RBM14: variants seen among roughly 807,000 people sequenced by gnomAD.
RBM14 encodes the protein RNA-binding protein 14.
In RBM14, 5 loss-of-function variants were observed where a neutral mutation model predicts 52.8. The ratio of observed to expected loss-of-function variants is 0.09; its 90% CI spans 0.05 to 0.20. The LOEUF (loss-of-function observed/expected upper bound fraction) is 0.20, where lower values mean the gene tolerates loss of function less well. Among genes scored for constraint, RBM14 ranks in the 10% least tolerant of loss-of-function variants. The pLI is 1.00. For missense variants in RBM14, 780 were observed against 926.6 expected, an observed-to-expected ratio of 0.84 and a Z score of 2.05; for synonymous variants, 411 against 401.8, an observed-to-expected ratio of 1.02 and a Z score of -0.28.
chr11:66,622,823 A>G (rs572299962), intron 1 of RBM14, among the ~76,000 whole-genome samples: 1 of 152,294 alleles, frequency 6.6e-6, no homozygotes, highest in African/African-American at 2.4e-5. Flanking sequence ...TCATCTGGGT[A>G]GCTCTTTGTT....
At chr11:66,623,009 C>T (rs377284326) in intron 1 of RBM14, among the ~76,000 whole-genome samples, 1 of 152,152 alleles carries the variant, frequency 6.6e-6, no homozygotes, top group Non-Finnish European at 1.5e-5. Context: ...TTCCTTCATT[C>T]CCTGAAGTTT....
chr11:66,625,424 C>T lies in RBM14; in HGVS notation c.1548C>T (p.Tyr516=). The T allele has an allele frequency of 6.2e-7, 1 of 1,613,716 alleles. No homozygotes were observed. The highest frequency in any genetic ancestry group is 8.5e-7 in the Non-Finnish European group (1 of 1,179,960). The change falls in exon 2 of 3, where the codon TAC becomes TAT. Residue 516 remains tyrosine (Y), a synonymous_variant. Coordinates refer to ENST00000310137, the MANE Select transcript of RBM14 (RefSeq NM_006328.4). The surrounding 1 kb of genome is among the most constrained non-coding windows in gnomAD (Gnocchi z 4.2). Reference sequence around the variant, plus strand: ...CTTCTGCCACCCTGGCAGCTCCTTACCGCACTCAGTCATCAGCCTCATTGG... The same window carrying T: ...CTTCTGCCACCCTGGCAGCTCCTTATCGCACTCAGTCATCAGCCTCATTGG... ...AQPSATLAAP[Y]RTQSSASLAA... is the part of the protein sequence containing the mutation.
At position 66,625,635 on chromosome 11, in the gene RBM14, A is replaced by T; in HGVS notation, c.1759A>T (p.Ser587Cys). 1 of 1,612,828 alleles carries T rather than the reference A, an allele frequency of 6.2e-7. No individual in the cohort carries two copies. Among genetic ancestry groups the T allele is most frequent in the African/African-American group, 1.3e-5 (1 of 75,048 alleles). The stretch of plus-strand genomic sequence containing the variant: ...TACCCGCCTCTCCCCACCCCGGGCC[A>T]GCTACGACGATCCCTACAAAAAGGC... Reference protein sequence around the residue: ...ERTRLSPPRASYDDPYKKAVA... With the variant: ...ERTRLSPPRACYDDPYKKAVA... Residue 587 changes from serine (S) to cysteine (C), a missense_variant, in exon 2 of 3, where the codon AGC becomes TGC. By Grantham distance (112) the Ser-to-Cys change is moderately radical (BLOSUM62 -1). Around this residue, in one of 4 missense-constraint regions of RBM14, gnomAD observed 675 missense variants for 697.3 expected, o/e 0.97. Coordinates refer to ENST00000310137, the MANE Select transcript of RBM14 (RefSeq NM_006328.4). The surrounding 1 kb of genome is among the most constrained non-coding windows in gnomAD (Gnocchi z 4.2).
rs759560354 is a variant in RBM14 at position 66,616,705 on chromosome 11, T to C, written c.-16T>C. The C allele has an allele frequency of 1.9e-6, 3 of 1,581,846 alleles. No homozygotes were observed. Among genetic ancestry groups the C allele is most frequent in the Non-Finnish European group, 2.6e-6 (3 of 1,158,334 alleles). The stretch of plus-strand genomic sequence containing the variant: ...GAGAGGTCCGGGCTCTCCAGGAAGG[T>C]GGCTGCGGCGACAAAATGAAGATAT... On this transcript the variant is annotated 5_prime_UTR_variant, in exon 1 of 3. Transcript: ENST00000310137.
In RBM14 at chr11:66,628,504, T is replaced by C. The variant is rs1384615767; in HGVS notation, c.*1836T>C. On this transcript the variant is annotated 3_prime_UTR_variant, in exon 3 of 3. Transcript: ENST00000310137. ...TCGATCTTATGACCGTGAGTTCTTATTTGTGGATGCTAACTGGGGTAATCT... is the reference window on the plus strand; with the variant it reads ...TCGATCTTATGACCGTGAGTTCTTACTTGTGGATGCTAACTGGGGTAATCT... Among the ~76,000 whole-genome samples, 2 of 120,192 alleles carry C rather than the reference T, an allele frequency of 1.7e-5. No homozygotes were observed. Among genetic ancestry groups the C allele is most frequent in the East Asian group, 5.0e-4 (2 of 4,036 alleles). 78.9% of individuals were successfully genotyped at this position (120,192 alleles called of 152,430 possible).
intron 1 of RBM14, chr11:66,618,468 ATAC>A: frequency 1.4e-6 from 1 of 717,398 alleles, no homozygotes; most frequent in Non-Finnish European, 2.6e-6. Flanking sequence ...TTCTGCATTA[ATAC>A]TGCATTCTAT....
rs538344090 is a variant in RBM14 at position 66,628,538 on chromosome 11, A to G, written c.*1870A>G. 6.6e-6 allele frequency among the ~76,000 whole-genome samples: 1 copy of G among 152,224 alleles called. No homozygotes were observed. Among genetic ancestry groups the G allele is most frequent in the East Asian group, 1.9e-4 (1 of 5,180 alleles). The stretch of plus-strand genomic sequence containing the variant: ...GCTAACTGGGGTAATCTCAGGGAGT[A>G]CTGGGGCCATGGCTCTTTCCCTTGC... On this transcript the variant is annotated 3_prime_UTR_variant, in exon 3 of 3. Transcript: ENST00000310137.
Position 66,617,568 on chromosome 11 carries a change from C to T in RBM14, c.337+511C>T, listed in dbSNP as rs1161704379. 9 of 988,310 alleles carry T rather than the reference C, an allele frequency of 9.1e-6. No homozygotes were observed. The African/African-American group carries it at 1.2e-4, about 13-fold the overall frequency. The allele number at this position is 988,310 out of a possible 1,614,324, so 61.2% of individuals were successfully genotyped here. ...AGCGGAAGGTAACGGGGCCCTTGGA[C>T]GTTTCTCGGGCTGGGGTCTTTTAGT... On this transcript the variant is annotated intron_variant, in intron 1 of 2. Coordinates refer to ENST00000310137, the MANE Select transcript of RBM14 (RefSeq NM_006328.4).
Position 66,625,628 on chromosome 11 carries a change from C to G in RBM14, c.1752C>G (p.Pro584=). ...PPYERTRLSP[P]RASYDDPYKK... The stretch of plus-strand genomic sequence containing the variant: ...ATGAGCGTACCCGCCTCTCCCCACC[C>G]CGGGCCAGCTACGACGATCCCTACA... The change falls in exon 2 of 3, where the codon CCC becomes CCG. Residue 584 remains proline, a synonymous_variant. Coordinates refer to ENST00000310137, the MANE Select transcript of RBM14 (RefSeq NM_006328.4). The surrounding 1 kb of genome is among the most constrained non-coding windows in gnomAD (Gnocchi z 4.2). 6.2e-7 allele frequency: 1 copy of G among 1,613,158 alleles called. No individual in the cohort carries two copies. Among genetic ancestry groups the G allele is most frequent in the Non-Finnish European group, 8.5e-7 (1 of 1,180,018 alleles).
In RBM14 at chr11:66,627,515, G is replaced by A. The variant is rs990825253; in HGVS notation, c.*847G>A. ...GTGGCCCAGAAGGATTTAGCTCATCGTCGTCCTGCTAGCCTGCCATCTTTC... is the reference window on the plus strand; with the variant it reads ...GTGGCCCAGAAGGATTTAGCTCATCATCGTCCTGCTAGCCTGCCATCTTTC... On this transcript the variant is annotated 3_prime_UTR_variant, in exon 3 of 3. Transcript: ENST00000310137. Among the ~76,000 whole-genome samples, 13 of 152,182 alleles carry A rather than the reference G, an allele frequency of 8.5e-5. No homozygotes were observed. Among genetic ancestry groups the A allele is most frequent in the African/African-American group, 1.9e-4 (8 of 41,438 alleles).
Position 66,626,623 on chromosome 11 carries a change from C to T in RBM14, c.1965C>T (p.Tyr655=), listed in dbSNP as rs1281062619. Residue 655 remains tyrosine, a synonymous_variant, in exon 3 of 3, where the codon TAC becomes TAT. Coordinates refer to ENST00000310137, the MANE Select transcript of RBM14 (RefSeq NM_006328.4). ...YARYSGSYND[Y]LRAAQMHSGY... Reference sequence around the variant, plus strand: ...GCTATTCGGGCTCCTATAATGATTACCTGCGGGCGGCTCAGATGCACTCTG... The same window carrying T: ...GCTATTCGGGCTCCTATAATGATTATCTGCGGGCGGCTCAGATGCACTCTG... The T allele has an allele frequency of 1.2e-6, 2 of 1,612,740 alleles. No homozygotes were observed. Among genetic ancestry groups the T allele is most frequent in the Non-Finnish European group, 8.5e-7 (1 of 1,179,796 alleles).
In RBM14 at chr11:66,626,498, T is replaced by A; in HGVS notation, c.1840T>A (p.Tyr614Asn). The A allele has an allele frequency of 6.2e-7, 1 of 1,613,888 alleles. No homozygotes were observed. Among genetic ancestry groups the A allele is most frequent in the Non-Finnish European group, 8.5e-7 (1 of 1,180,008 alleles). ...SDRRLAELSD[Y>N]RRLSESQLSF... ...CCGGCGTTTAGCCGAGCTCTCTGAT[T>A]ACCGCCGTTTATCAGAGTCGCAGCT... The change falls in exon 3 of 3, where the codon TAC (tyrosine) becomes AAC (asparagine). Residue 614 changes from tyrosine (Y) to asparagine (N), a missense_variant. By Grantham distance (143) the Tyr-to-Asn change is moderately radical. Transcript: ENST00000310137.
chr11:66,620,160 T>C (rs1859039131), intron 1 of RBM14, among the ~76,000 whole-genome samples: 1 of 152,236 alleles, frequency 6.6e-6, no homozygotes, highest in African/African-American at 2.4e-5. Context: ...ATGGGGCTTA[T>C]CACTACAGGA....
At chr11:66,620,852 TG>T (rs1859073349) in intron 1 of RBM14, 1 of 152,040 alleles carries the variant, frequency 6.6e-6, no homozygotes, top group African/African-American at 2.4e-5. Flanking sequence ...TCAGAATGTC[TG>T]GAGGCCCCTC....
intron 1 of RBM14, among the ~76,000 whole-genome samples, chr11:66,617,718 C>T (rs149002633): frequency 9.3e-4 from 142 of 152,354 alleles, no homozygotes; most frequent in African/African-American, 3.1e-3. Context: ...TTTTCTCCTC[C>T]CTCAAACTTG....
At chr11:66,626,104 C>G (rs1365341372) in intron 2 of RBM14, among the ~76,000 whole-genome samples, 1 of 152,212 alleles carries the variant, frequency 6.6e-6, no homozygotes, top group Non-Finnish European at 1.5e-5. Flanking sequence ...TGCGTCCACT[C>G]TGGGAAGTTG....
chr11:66,619,728 A>G (rs184831536), intron 1 of RBM14, among the ~76,000 whole-genome samples: 7,638 of 151,778 alleles, frequency 0.05, 197 homozygotes, highest in Middle Eastern at 0.092. Context: ...CACCACACCC[A>G]GCTAATTTTT....
intron 1 of RBM14, among the ~76,000 whole-genome samples, chr11:66,622,572 T>A (rs1165427096): frequency 6.6e-6 from 1 of 152,182 alleles, no homozygotes; most frequent in African/African-American, 2.4e-5. Context: ...GATACCTGGG[T>A]CTGGAACTGA....
Position 66,625,704 on chromosome 11 carries a change from C to T in RBM14, c.1802+26C>T, listed in dbSNP as rs1316912100. Reference sequence around the variant, plus strand: ...GTACTGTATGCCCCCCCGCCTCTGCCCCCAGCTGGGGCTTAGGGCAAGGGG... The same window carrying T: ...GTACTGTATGCCCCCCCGCCTCTGCTCCCAGCTGGGGCTTAGGGCAAGGGG... On this transcript the variant is annotated intron_variant, in intron 2 of 2. Transcript: ENST00000310137. This position sits in a 1 kb window ranked among gnomAD's most constrained non-coding sequence, Gnocchi z 4.2. 5 of 1,539,462 alleles carry T rather than the reference C, an allele frequency of 3.2e-6. No individual in the cohort carries two copies. The South Asian group carries it at 3.5e-5, about 11-fold the overall frequency.
Sources: allele counts gnomAD v4.1 joint callset (sites outside exome capture counted in the v4.1 genomes callset), GRCh38; gene constraint gnomAD v4.1.1; regional missense constraint gnomAD v4.1.1; non-coding constraint Gnocchi (gnomAD v3.1); transcripts MANE v1.5; gene names NCBI Gene and HGNC (gene_info 2026-07-23, HGNC 2026-07-21).